ZNF469: variants seen among roughly 807,000 people sequenced by gnomAD.
ZNF469 encodes the protein zinc finger protein 469.
In ZNF469, 1 loss-of-function variant was observed where a neutral mutation model predicts 1.0. The ratio of observed to expected loss-of-function variants is 1.00; its 90% CI spans 0.35 to 4.73. ZNF469 has a LOEUF of 4.73. Ranked by LOEUF, ZNF469 falls within the 30% of genes most tolerant of loss-of-function variation. The probability of loss-of-function intolerance (pLI) is 0.16; values close to 1 mark genes in which losing one functional copy is unlikely to be tolerated. For missense variants in ZNF469, 6,100 were observed against 5,356.3 expected (o/e 1.14, Z -4.33); for synonymous variants, 2,703 against 2,363.4 (o/e 1.14, Z -4.17).
chr16:88,331,061 A>AACCATCACG, the ZNF469 span, among the ~76,000 whole-genome samples: 2 of 71,746 alleles, frequency 2.8e-5, no homozygotes, highest in South Asian at 5.1e-4. Flanking sequence ...TCACCATCAC[A>AACCATCACG]ACCATCACGA....
At chr16:88,179,188 T>C in the ZNF469 span, among the ~76,000 whole-genome samples, 1 of 152,248 alleles carries the variant, frequency 6.6e-6, no homozygotes, top group East Asian at 1.9e-4. Context: ...CATCTCATGT[T>C]GAAATGTATC....
chr16:88,301,183 C>T, the ZNF469 span, among the ~76,000 whole-genome samples: 1 of 151,196 alleles, frequency 6.6e-6, no homozygotes, highest in Admixed American at 6.6e-5. Context: ...GAGATGGAGT[C>T]TCGCTCTGTC....
chr16:88,274,577 G>C, the ZNF469 span, among the ~76,000 whole-genome samples: 1 of 152,360 alleles, frequency 6.6e-6, no homozygotes, highest in African/African-American at 2.4e-5. Context: ...CCCCCGGGGA[G>C]GGCAGGCCGT....
chr16:88,164,649 T>C, the ZNF469 span, among the ~76,000 whole-genome samples: 1 of 152,216 alleles, frequency 6.6e-6, no homozygotes, highest in East Asian at 1.9e-4. Context: ...GCACAGTGCC[T>C]TCCCTGGCCA....
In ZNF469 at chr16:88,437,337, C is replaced by G. The variant is rs953854686; in HGVS notation, c.9867C>G (p.Asp3289Glu). Reference protein sequence around the residue: ...PSNPDGAATPDSASATALADA... With the variant: ...PSNPDGAATPESASATALADA... Reference sequence around the variant, plus strand: ...ACCCAGACGGGGCCGCGACCCCAGACAGCGCCTCTGCCACCGCCCTGGCTG... The same window carrying G: ...ACCCAGACGGGGCCGCGACCCCAGAGAGCGCCTCTGCCACCGCCCTGGCTG... Residue 3289 changes from aspartate to glutamate, a missense_variant, in exon 3 of 3, where the codon GAC (aspartate) becomes GAG (glutamate). Transcript: ENST00000565624. 9.7e-6 allele frequency: 15 copies of G among 1,545,998 alleles called. No homozygotes were observed. The highest frequency in any genetic ancestry group is 1.2e-5 in the Non-Finnish European group (14 of 1,144,910).
chr16:88,379,865 G>C (rs971029516), upstream of ZNF469, among the ~76,000 whole-genome samples: 1 of 152,158 alleles, frequency 6.6e-6, no homozygotes, highest in Middle Eastern at 3.2e-3. Context: ...GTCCCACCTC[G>C]CGGGGTTGTC....
intron 1 of ZNF469, among the ~76,000 whole-genome samples, chr16:88,418,632 C>A (rs761953577): frequency 2.0e-5 from 3 of 151,352 alleles, no homozygotes; most frequent in Non-Finnish European, 4.4e-5. Context: ...TAAAGGATCT[C>A]GAATAGGCAC....
the ZNF469 span, among the ~76,000 whole-genome samples, chr16:88,329,192 C>T: frequency 5.5e-4 from 84 of 152,258 alleles, no homozygotes; most frequent in Non-Finnish European, 9.1e-4. Flanking sequence ...GGGAGTAACA[C>T]GGCCGCTGCT....
At chr16:88,161,648 G>A in the ZNF469 span, among the ~76,000 whole-genome samples, 65 of 151,986 alleles carry the variant, frequency 4.3e-4, no homozygotes, top group Admixed American at 4.2e-3. Flanking sequence ...CATTTTATTC[G>A]GACTTCACTA....
At chr16:88,334,002 CTATG>C in the ZNF469 span, among the ~76,000 whole-genome samples, 2 of 145,482 alleles carry the variant, frequency 1.4e-5, no homozygotes, top group East Asian at 2.0e-4. Context: ...GTGTCTGTGT[CTATG>C]TGTTTGTGTG....
chr16:88,166,601 T>C, the ZNF469 span, among the ~76,000 whole-genome samples: 1 of 152,086 alleles, frequency 6.6e-6, no homozygotes, highest in Non-Finnish European at 1.5e-5. The surrounding 1 kb of genome is among the most constrained non-coding windows in gnomAD (Gnocchi z 4.5). Context: ...TCCTGACTGT[T>C]TCATCAAAAA....
chr16:88,423,024 T>G (rs180796938), intron 1 of ZNF469, among the ~76,000 whole-genome samples: 125 of 133,410 alleles, frequency 9.4e-4, no homozygotes, highest in Admixed American at 1.5e-3. Context: ...TGGGTGGGTA[T>G]CTGGATGGAT....
the ZNF469 span, among the ~76,000 whole-genome samples, chr16:88,163,084 G>C: frequency 6.6e-6 from 1 of 151,616 alleles, no homozygotes; most frequent in Non-Finnish European, 1.5e-5. Context: ...TGGGTTGATG[G>C]ATGCATGACT....
the ZNF469 span, among the ~76,000 whole-genome samples, chr16:88,151,985 A>T: frequency 6.6e-6 from 1 of 152,164 alleles, no homozygotes; most frequent in Non-Finnish European, 1.5e-5. The surrounding 1 kb of genome is among the most constrained non-coding windows in gnomAD (Gnocchi z 5.4). Flanking sequence ...ATGTTCCCAC[A>T]CCAGCAGTAG....
chr16:88,180,299 T>G, the ZNF469 span, among the ~76,000 whole-genome samples: 3 of 150,960 alleles, frequency 2.0e-5, no homozygotes, highest in African/African-American at 7.4e-5. Flanking sequence ...AACTCTATGC[T>G]GTCTACAAAA....
At chr16:88,324,337 T>C in the ZNF469 span, among the ~76,000 whole-genome samples, 1 of 144,842 alleles carries the variant, frequency 6.9e-6, no homozygotes, top group East Asian at 2.0e-4. Flanking sequence ...ACACACCCCT[T>C]ATGGGAGGTG....
the ZNF469 span, among the ~76,000 whole-genome samples, chr16:88,254,565 C>T: frequency 4.6e-5 from 7 of 152,042 alleles, no homozygotes; most frequent in Non-Finnish European, 1.0e-4. Flanking sequence ...CAAGAGTAGC[C>T]TGGCCAATAT....
chr16:88,346,583 A>G, the ZNF469 span, among the ~76,000 whole-genome samples: 1 of 152,004 alleles, frequency 6.6e-6, no homozygotes, highest in African/African-American at 2.4e-5. Context: ...CAGTGGCACG[A>G]TGTTGGCTCA....
chr16:88,349,745 GTGC>G, the ZNF469 span, among the ~76,000 whole-genome samples: 11 of 116,380 alleles, frequency 9.5e-5, no homozygotes, highest in African/African-American at 1.7e-4. Context: ...CCACACACAA[GTGC>G]ACACATGCCC....
Sources: allele counts gnomAD v4.1 joint callset (sites outside exome capture counted in the v4.1 genomes callset), GRCh38; gene constraint gnomAD v4.1.1; non-coding constraint Gnocchi (gnomAD v3.1); transcripts MANE v1.5; gene names NCBI Gene and HGNC (gene_info 2026-07-23, HGNC 2026-07-21).